Variants in BCOR observed in about 807,000 individuals in gnomAD.
BCOR encodes the protein BCL6 corepressor.
A neutral mutation model predicts 86.7 loss-of-function variants in BCOR; 10 were observed. That is an observed-to-expected ratio of 0.12 (90% CI 0.07 to 0.20). BCOR has a LOEUF of 0.20. BCOR is among the 10% of genes least tolerant of loss of function. BCOR has a pLI of 1.00. For missense variants in BCOR, 1,259 were observed against 1,452.1 expected (o/e 0.87, Z 2.16); for synonymous variants, 611 against 609.0 (o/e 1.00, Z -0.05).
rs1367522452 is a variant in BCOR, at chrX:40,074,788, A to G, written c.558T>C (p.Tyr186=). ...AAGGATTGACCCAGGGCAGCCGCAG[A>G]TAACTAGCACCATTGATGTTGAGAG... ...QSPLNINGAS[Y]LRLPWVNPYM... Residue 186 remains tyrosine, a synonymous_variant, in exon 4 of 15, where the codon TAT becomes TAC. Transcript: ENST00000378444. 1.4e-5 allele frequency: 17 copies of G among 1,210,089 alleles called. No homozygotes were observed. Among genetic ancestry groups the G allele is most frequent in the African/African-American group, 7.0e-5 (4 of 57,112 alleles).
chrX:40,076,472 A>T lies in BCOR; in HGVS notation c.147T>A (p.Asn49Lys). The T allele has an allele frequency of 8.3e-7, 1 of 1,203,576 alleles. No homozygotes were observed. The part of the protein sequence containing the change: ...SKARLELREE[N>K]PLNHNVVDAS... The stretch of plus-strand genomic sequence containing the variant: ...CTCTTACCACGTTGTGGTTCAAGGG[A>T]TTCTCTTCCCTCAGTTCCAGTCTGG... Residue 49 changes from asparagine to lysine, a missense_variant, in exon 3 of 15, where the codon AAT becomes AAA. Asn to Lys is a moderately conservative substitution (Grantham distance 94, BLOSUM62 0). Transcript: ENST00000378444.
chrX:40,070,703 A>C, intron 6 of BCOR, among the ~76,000 whole-genome samples: 1 of 111,817 alleles, frequency 8.9e-6, no homozygotes, highest in Middle Eastern at 4.6e-3. Flanking sequence ...CTGCTACAAA[A>C]TATAACCTGT....
At chrX:40,176,722 G>T (rs1478291946) in intron 1 of BCOR, among the ~76,000 whole-genome samples, 1 of 111,131 alleles carries the variant, frequency 9.0e-6, no homozygotes, top group Non-Finnish European at 1.9e-5. Flanking sequence ...CGCTCCCAGC[G>T]CCCAGAGTCA....
chrX:40,157,993 G>A (rs781383262), intron 1 of BCOR, among the ~76,000 whole-genome samples: 5 of 112,646 alleles, frequency 4.4e-5, no homozygotes, highest in African/African-American at 1.3e-4. Flanking sequence ...GGGGCATGAA[G>A]CCCTACCTGC....
chrX:40,175,689 A>G (rs1938731973), intron 1 of BCOR, among the ~76,000 whole-genome samples: 1 of 112,790 alleles, frequency 8.9e-6, no homozygotes, highest in Non-Finnish European at 1.9e-5. Context: ...CAGACGTTGC[A>G]GCAAACTGGG....
chrX:40,165,874 C>T (rs1476888568), intron 1 of BCOR, among the ~76,000 whole-genome samples: 1 of 111,754 alleles, frequency 8.9e-6, no homozygotes, highest in East Asian at 2.8e-4. Flanking sequence ...ACCTCCTGGG[C>T]TCAAGTGATC....
upstream of BCOR, among the ~76,000 whole-genome samples, chrX:40,102,720 C>T (rs1422582212): frequency 8.8e-6 from 1 of 113,631 alleles, no homozygotes; most frequent in African/African-American, 3.2e-5. Flanking sequence ...CCCCGAACCC[C>T]TTCGCGGTAC....
rs1209220654 is a variant in BCOR at position 40,075,082 on chromosome X, G to A, written c.264C>T (p.Ile88=). ...CCAGTCCACACAAGCTAGAATAGACGATGTTTCCCGGGACCCGCAGCCCTT... is the reference window on the plus strand; with the variant it reads ...CCAGTCCACACAAGCTAGAATAGACAATGTTTCCCGGGACCCGCAGCCCTT... ...IREGLRVPGN[I]VYSSLCGLGS... Residue 88 remains isoleucine, a synonymous_variant, in exon 4 of 15, where the codon ATC becomes ATT. Coordinates refer to ENST00000378444, the MANE Select transcript of BCOR (RefSeq NM_001123385.2). 8 of 1,207,995 alleles carry A rather than the reference G, an allele frequency of 6.6e-6. No individual in the cohort carries two copies. Among genetic ancestry groups the A allele is most frequent in the South Asian group, 3.5e-5 (2 of 56,548 alleles).
chrX:40,166,787 G>A (rs1938514938), intron 1 of BCOR, among the ~76,000 whole-genome samples: 1 of 112,271 alleles, frequency 8.9e-6, no homozygotes, highest in Non-Finnish European at 1.9e-5. Context: ...CGGTCTCTGG[G>A]GGGTTGGACC....
chrX:40,160,657 T>A (rs1413567619), intron 1 of BCOR, among the ~76,000 whole-genome samples: 3 of 102,247 alleles, frequency 2.9e-5, no homozygotes, highest in Non-Finnish European at 6.0e-5. Context: ...GATGATCCTC[T>A]ACTTTTTTTT....
intron 6 of BCOR, chrX:40,068,259 G>A (rs1306056144): frequency 8.9e-6 from 1 of 112,110 alleles, no homozygotes; most frequent in Non-Finnish European, 1.9e-5. Context: ...GGATGGCAGA[G>A]GACTGAGATT....
intron 1 of BCOR, among the ~76,000 whole-genome samples, chrX:40,139,448 T>A (rs867338907): frequency 8.8e-4 from 3 of 3,418 alleles, no homozygotes; most frequent in African/African-American, 3.7e-3. Context: ...ATATATATAA[T>A]ATATATACAT....
intron 1 of BCOR, among the ~76,000 whole-genome samples, chrX:40,081,719 C>G (rs1401530895): frequency 8.8e-6 from 1 of 113,086 alleles, no homozygotes. Flanking sequence ...TGCGAAGCTG[C>G]ACCTTGGATC....
At chrX:40,135,989 C>A (rs545569282) in intron 1 of BCOR, among the ~76,000 whole-genome samples, 3 of 112,133 alleles carry the variant, frequency 2.7e-5, no homozygotes, top group East Asian at 2.8e-4. Flanking sequence ...TTCACCTCCC[C>A]CTGTGTCCAC....
At position 40,057,962 on chromosome X, in the gene BCOR, C is replaced by A. The variant is rs188811031; in HGVS notation, c.4429-641G>T. On this transcript the variant is annotated intron_variant, in intron 10 of 14. Coordinates refer to ENST00000378444, the MANE Select transcript of BCOR (RefSeq NM_001123385.2). ...CCTCTGTTGGTATCATACTCATCAA[C>A]AAATGACATCAACGCTTCCAATAAC... Among the ~76,000 whole-genome samples, 6 of 112,119 alleles carry A rather than the reference C, an allele frequency of 5.4e-5. No homozygotes were observed. The Admixed American group carries it at 5.7e-4, about 11-fold the overall frequency.
At chrX:40,110,027 C>T (rs1381634310) in intron 1 of BCOR, among the ~76,000 whole-genome samples, 2 of 112,443 alleles carry the variant, frequency 1.8e-5, no homozygotes, top group East Asian at 2.8e-4. Context: ...CTTCCACACT[C>T]TAAGAGAAAT....
At chrX:40,085,524 G>A (rs1310235703) in intron 1 of BCOR, among the ~76,000 whole-genome samples, 3 of 111,821 alleles carry the variant, frequency 2.7e-5, no homozygotes, top group South Asian at 3.8e-4. Flanking sequence ...GCTCCCCATC[G>A]GAAACCCAAC....
chrX:40,053,960 G>A lies in BCOR; in HGVS notation c.4902C>T (p.Ser1634=), dbSNP rs747409134. The A allele has an allele frequency of 2.9e-5, 35 of 1,208,790 alleles. No homozygotes were observed. The highest frequency in any genetic ancestry group is 5.3e-5 in the South Asian group (3 of 56,731). Reference sequence around the variant, plus strand: ...CTGAAAATTCAAATTCAAACACATCGCTATAGGCATCGTCATCATCATCCT... The same window carrying A: ...CTGAAAATTCAAATTCAAACACATCACTATAGGCATCGTCATCATCATCCT... ...EDQDDDDDAY[S]DVFEFEFSET... is the part of the protein sequence containing the mutation. Residue 1634 remains serine (S), a synonymous_variant, in exon 14 of 15, where the codon AGC becomes AGT. Transcript: ENST00000378444.
At chrX:40,135,961 C>T (rs1322615946) in intron 1 of BCOR, among the ~76,000 whole-genome samples, 1 of 111,930 alleles carries the variant, frequency 8.9e-6, no homozygotes. Context: ...TTTCAGATTG[C>T]ATTACTCTTC....
Sources: allele counts gnomAD v4.1 joint callset (sites outside exome capture counted in the v4.1 genomes callset), GRCh38; gene constraint gnomAD v4.1.1; transcripts MANE v1.5; gene names NCBI Gene and HGNC (gene_info 2026-07-23, HGNC 2026-07-21).